The following NBAS variants were observed in gnomAD, a reference collection of about 807,000 sequenced individuals.
The protein encoded by NBAS is NAG/BC035112 fusion.
NBAS carries 219 observed loss-of-function variants against 302.5 expected under a neutral mutation model. The observed-to-expected ratio is 0.72, with a 90% CI of 0.65 to 0.81. NBAS has a LOEUF of 0.81. Ranked by LOEUF, NBAS falls within the 30% of genes least tolerant of loss-of-function variation. NBAS has a pLI of 0.00. For synonymous variants in NBAS, 1,118 were observed against 1,021.6 expected (o/e 1.09, Z -1.80); for missense variants, 2,932 against 2,841.6 (o/e 1.03, Z -0.72).
the NBAS span, among the ~76,000 whole-genome samples, chr2:15,017,670 G>C: frequency 2.0e-5 from 3 of 151,964 alleles, no homozygotes; most frequent in Non-Finnish European, 4.4e-5. Flanking sequence ...AAAAGTGCTG[G>C]TGAAGATGTG....
intron 47 of NBAS, among the ~76,000 whole-genome samples, chr2:15,231,673 T>G (rs969650783): frequency 2.0e-5 from 3 of 152,184 alleles, no homozygotes; most frequent in Admixed American, 1.3e-4. Flanking sequence ...AAAAGATATC[T>G]GCACCTGAAC....
chr2:15,319,410 A>C (rs948146638), intron 38 of NBAS, among the ~76,000 whole-genome samples: 1 of 152,036 alleles, frequency 6.6e-6, no homozygotes, highest in African/African-American at 2.4e-5. Context: ...AGCAGAACTG[A>C]AGGAGATAGA....
At chr2:15,298,523 G>A (rs1670652262) in intron 40 of NBAS, among the ~76,000 whole-genome samples, 1 of 152,180 alleles carries the variant, frequency 6.6e-6, no homozygotes, top group African/African-American at 2.4e-5. Flanking sequence ...GAAACTGGAT[G>A]AATGAGCATT....
At chr2:14,908,177 C>G in the NBAS span, among the ~76,000 whole-genome samples, 1 of 152,138 alleles carries the variant, frequency 6.6e-6, no homozygotes, top group East Asian at 1.9e-4. Context: ...TCCTGGCTAA[C>G]ACGGTGAAAC....
At chr2:15,541,174 T>C (rs1663799868) in intron 6 of NBAS, among the ~76,000 whole-genome samples, 1 of 152,216 alleles carries the variant, frequency 6.6e-6, no homozygotes, top group Admixed American at 6.5e-5. Context: ...TACATACCTC[T>C]TTCATAGCAT....
the NBAS span, among the ~76,000 whole-genome samples, chr2:15,137,926 C>T: frequency 2.6e-5 from 4 of 152,276 alleles, no homozygotes; most frequent in East Asian, 5.8e-4. Context: ...CAGGCCACCA[C>T]GTCCAGCTAA....
chr2:15,511,044 T>A (rs193032313), intron 10 of NBAS, among the ~76,000 whole-genome samples, 168 bp downstream of exon 10: 3 of 152,358 alleles, frequency 2.0e-5, no homozygotes, highest in Admixed American at 1.3e-4. Flanking sequence ...TATGCCTCAG[T>A]TGAATTTGTT....
Position 15,482,279 on chromosome 2 carries a change from C to T in NBAS, c.1084-3990G>A, listed in dbSNP as rs114272829. On this transcript the variant is annotated intron_variant, in intron 12 of 51. Transcript: ENST00000281513. ...CCGAGTAGCTGGGAATATGGGCACA[C>T]GCCACTTTTTTATTTTTTGTAGAGA... 8.2e-3 allele frequency among the ~76,000 whole-genome samples: 1,241 copies of T among 151,988 alleles called. 14 individuals are homozygous for T. Among genetic ancestry groups the T allele is most frequent in the African/African-American group, 0.028 (1,162 of 41,458 alleles).
At chr2:15,082,516 T>C in the NBAS span, among the ~76,000 whole-genome samples, 2 of 152,202 alleles carry the variant, frequency 1.3e-5, 1 homozygote, top group South Asian at 4.1e-4. Context: ...GGCTCCATGC[T>C]GCACCCCAGC....
At position 15,330,823 on chromosome 2, in the gene NBAS, G is replaced by A. The variant is rs910576200; in HGVS notation, c.4180-58C>T. On this transcript the variant is annotated intron_variant, in intron 35 of 51. Transcript: ENST00000281513. The stretch of plus-strand genomic sequence containing the variant: ...AATGCATTACCATAAGAACAGAGAA[G>A]ACAGTGATAATGTGACTGCTTAAAA... The A allele has an allele frequency of 4.9e-5, 77 of 1,564,434 alleles. 1 individual carries two copies. In the East Asian group the frequency reaches 1.7e-3, roughly 35 times the overall value.
At chr2:14,983,990 G>C in the NBAS span, among the ~76,000 whole-genome samples, 1 of 151,954 alleles carries the variant, frequency 6.6e-6, no homozygotes, top group Non-Finnish European at 1.5e-5. Flanking sequence ...CTTCCGAGGG[G>C]GCGTGCCAAC....
At chr2:15,187,824 A>G (rs1334266794) in intron 49 of NBAS, among the ~76,000 whole-genome samples, 1 of 152,210 alleles carries the variant, frequency 6.6e-6, no homozygotes, top group African/African-American at 2.4e-5. Flanking sequence ...TTGGGCCCTG[A>G]AAAGAATTTC....
chr2:15,340,552 C>T (rs1558549601), intron 35 of NBAS, among the ~76,000 whole-genome samples: 1 of 152,106 alleles, frequency 6.6e-6, no homozygotes. Context: ...GGCAGCTGTA[C>T]ATTCAAGTCC....
At chr2:15,494,981 A>G (rs1176017120) in intron 11 of NBAS, among the ~76,000 whole-genome samples, 2 of 152,192 alleles carry the variant, frequency 1.3e-5, no homozygotes, top group Non-Finnish European at 2.9e-5. Context: ...CAGCAATACA[A>G]TAACTCTCCT....
At chr2:15,358,693 C>T (rs1177494229) in intron 32 of NBAS, among the ~76,000 whole-genome samples, 1 of 152,146 alleles carries the variant, frequency 6.6e-6, no homozygotes, top group Non-Finnish European at 1.5e-5. Flanking sequence ...AATCCTCCTG[C>T]CTCAGCCTCC....
chr2:15,510,441 C>T (rs1662085364), intron 10 of NBAS, among the ~76,000 whole-genome samples: 1 of 152,162 alleles, frequency 6.6e-6, no homozygotes, highest in African/African-American at 2.4e-5. Flanking sequence ...CAAAAGGTCA[C>T]CATTCTCCAT....
chr2:14,969,984 C>T, the NBAS span, among the ~76,000 whole-genome samples: 1 of 152,088 alleles, frequency 6.6e-6, no homozygotes, highest in Admixed American at 6.5e-5. Flanking sequence ...AGGTAAGAGT[C>T]AAACTTAAAC....
chr2:15,216,656 G>A (rs752763644), intron 48 of NBAS, among the ~76,000 whole-genome samples: 3 of 152,102 alleles, frequency 2.0e-5, no homozygotes, highest in African/African-American at 7.2e-5. Context: ...TTAGAACATC[G>A]ACAAAAGCTT....
At chr2:15,459,630 C>A (rs1292981616) in intron 21 of NBAS, among the ~76,000 whole-genome samples, 1 of 151,780 alleles carries the variant, frequency 6.6e-6, no homozygotes, top group Non-Finnish European at 1.5e-5. Flanking sequence ...CAGGCCCCTG[C>A]TACCACGCCC....
Sources: allele counts gnomAD v4.1 joint callset (sites outside exome capture counted in the v4.1 genomes callset), GRCh38; gene constraint gnomAD v4.1.1; transcripts MANE v1.5; gene names NCBI Gene and HGNC (gene_info 2026-07-23, HGNC 2026-07-21).